The following CSTF2 variants were observed in gnomAD, a reference collection of about 807,000 sequenced individuals.
CSTF2 encodes CF-1 64 kDa subunit.
Under a neutral mutation model 45.4 loss-of-function variants are expected in CSTF2, and 8 were observed. The ratio of observed to expected loss-of-function variants is 0.18; its 90% CI spans 0.10 to 0.32. The LOEUF (loss-of-function observed/expected upper bound fraction) is 0.32. CSTF2 is among the 10% of genes least tolerant of loss of function. CSTF2 has a pLI of 1.00. For synonymous variants in CSTF2, 155 were observed against 158.9 expected, an observed-to-expected ratio of 0.98 and a Z score of 0.18; for missense variants, 253 against 477.1, an observed-to-expected ratio of 0.53 and a Z score of 4.38.
At position 100,833,432 on chromosome X, in the gene CSTF2, C is replaced by A. The variant is rs1196652914; in HGVS notation, c.1460C>A (p.Pro487Gln). Residue 487 changes from proline (P) to glutamine (Q), a missense_variant, in exon 11 of 14, where the codon CCA becomes CAA. Physicochemically the swap from Pro to Gln is moderately conservative, Grantham distance 76. Transcript: ENST00000372972. ...PIPSGMQGPS[P>Q]INMGAVVPQG... ...CCTAGTGGAATGCAGGGTCCCAGTC[C>A]AATTAACATGGGGGCGGTTGTCCCC... is the stretch of plus-strand genomic sequence containing the variant. The A allele has an allele frequency of 2.2e-5, 27 of 1,208,446 alleles. No individual in the cohort carries two copies. Among genetic ancestry groups the A allele is most frequent in the Non-Finnish European group, 2.9e-5 (26 of 893,771 alleles).
chrX:100,834,786 C>G (rs911862879), intron 11 of CSTF2, among the ~76,000 whole-genome samples: 2 of 112,199 alleles, frequency 1.8e-5, no homozygotes, highest in African/African-American at 6.5e-5. Context: ...GGCTTACATT[C>G]TAGTTGGGAA....
intron 6 of CSTF2, among the ~76,000 whole-genome samples, chrX:100,825,033 C>A (rs1044235959): frequency 8.9e-6 from 1 of 112,411 alleles, no homozygotes; most frequent in African/African-American, 3.2e-5. Flanking sequence ...GGACATGAAA[C>A]TAAGTGAATA....
At chrX:100,829,815 G>A (rs754606708) in intron 8 of CSTF2, among the ~76,000 whole-genome samples, 6 of 112,149 alleles carry the variant, frequency 5.4e-5, no homozygotes, top group African/African-American at 1.9e-4. Context: ...CTGTCATGGG[G>A]CCAGCCCTCA....
intron 11 of CSTF2, 93 bp downstream of exon 11, chrX:100,833,565 G>A (rs2084989734): frequency 1.1e-6 from 1 of 893,126 alleles, no homozygotes; most frequent in African/African-American, 2.0e-5. Context: ...TTCTGACTTG[G>A]GCTGTTTCTT....
chrX:100,829,990 T>C (rs2084965916), intron 8 of CSTF2, among the ~76,000 whole-genome samples: 1 of 112,299 alleles, frequency 8.9e-6, no homozygotes, highest in Non-Finnish European at 1.9e-5. Flanking sequence ...CTTTCTTTTA[T>C]AGTTTCCTTC....
chrX:100,827,229 C>A (rs764066283), intron 7 of CSTF2, among the ~76,000 whole-genome samples: 60 of 112,171 alleles, frequency 5.3e-4, no homozygotes, highest in Admixed American at 4.1e-3. Flanking sequence ...GCATATTAAA[C>A]TGACATAAAA....
Position 100,820,455 on chromosome X carries a change from T to G in CSTF2, c.39T>G (p.Arg13=), listed in dbSNP as rs1234524508. The G allele has an allele frequency of 8.3e-7, 1 of 1,211,571 alleles. No homozygotes were observed. The highest frequency in any genetic ancestry group is 2.2e-5 in the Admixed American group (1 of 46,081). ...CTGTGAGAGACCCAGCGGTGGATCGTTCTCTACGTTCTGTGTTCGGTGAGA... is the reference window on the plus strand; with the variant it reads ...CTGTGAGAGACCCAGCGGTGGATCGGTCTCTACGTTCTGTGTTCGGTGAGA... ...GLTVRDPAVD[R]SLRSVFVGNI... is the part of the protein sequence containing the mutation. Residue 13 remains arginine (R), a synonymous_variant, in exon 1 of 14, where the codon CGT becomes CGG. Coordinates refer to ENST00000372972, the MANE Select transcript of CSTF2 (RefSeq NM_001325.3).
Position 100,832,866 on chromosome X carries a change from A to G in CSTF2, c.1164A>G (p.Arg388=). The G allele has an allele frequency of 2.5e-6, 3 of 1,208,410 alleles. No individual in the cohort carries two copies. Among genetic ancestry groups the G allele is most frequent in the Non-Finnish European group, 3.4e-6 (3 of 893,578 alleles). ...CCAGACCTCTAATGGCAGAACCAAG[A>G]GGACCCATGCTAGATCAGAGGGGTC... ...PEPRPLMAEP[R]GPMLDQRGPP... Residue 388 remains arginine (R), a synonymous_variant, in exon 10 of 14, where the codon AGA becomes AGG. Transcript: ENST00000372972.
intron 11 of CSTF2, among the ~76,000 whole-genome samples, chrX:100,836,861 C>A (rs1353582070): frequency 8.9e-6 from 1 of 112,143 alleles, no homozygotes; most frequent in African/African-American, 3.2e-5. Context: ...ACATTATGAA[C>A]ATCTCTGCCT....
In CSTF2 at chrX:100,826,766, C is replaced by T. The variant is rs1418378015; in HGVS notation, c.826+9C>T. 1 of 1,204,586 alleles carries T rather than the reference C, an allele frequency of 8.3e-7. No individual in the cohort carries two copies. Among genetic ancestry groups the T allele is most frequent in the Non-Finnish European group, 1.1e-6 (1 of 892,035 alleles). On this transcript the variant is annotated intron_variant, in intron 7 of 13. Coordinates refer to ENST00000372972, the MANE Select transcript of CSTF2 (RefSeq NM_001325.3). The stretch of plus-strand genomic sequence containing the variant: ...TTCCTTAGCTCCTGGAGGTAAGTTT[C>T]ATTTAGTCTTCACCATTTCAGTACT...
intron 13 of CSTF2, among the ~76,000 whole-genome samples, chrX:100,839,679 C>T (rs888587763): frequency 9.0e-6 from 1 of 111,564 alleles, no homozygotes; most frequent in Non-Finnish European, 1.9e-5. Flanking sequence ...GGTACCTTAA[C>T]GTTTTATTCC....
intron 3 of CSTF2, 135 bp from the exon 4 acceptor site, chrX:100,823,157 C>A: frequency 1.4e-6 from 1 of 694,847 alleles, no homozygotes; most frequent in Non-Finnish European, 2.0e-6. Flanking sequence ...GAGGCTTTCA[C>A]ATCATTTATT....
At chrX:100,837,287 T>TA in intron 11 of CSTF2, 52 bp from the exon 12 acceptor site, 2 of 854,420 alleles carry the variant, frequency 2.3e-6, no homozygotes, top group Non-Finnish European at 3.4e-6. Context: ...GAATTCAGGT[T>TA]ACCTATACAT....
chrX:100,822,498 TTAGAATATG>T (rs2084923896), intron 3 of CSTF2, 78 bp downstream of exon 3: 3 of 1,032,807 alleles, frequency 2.9e-6, no homozygotes, highest in Non-Finnish European at 4.0e-6. Flanking sequence ...CTGATATGTT[TTAGAATATG>T]CTGAAATGGT....
At chrX:100,835,573 G>A (rs1397671748) in intron 11 of CSTF2, among the ~76,000 whole-genome samples, 1 of 92,459 alleles carries the variant, frequency 1.1e-5, no homozygotes, top group Non-Finnish European at 2.1e-5. Context: ...TTAACAACAT[G>A]TCCTTAATTC....
chrX:100,833,105 T>A, intron 10 of CSTF2, 75 bp from the exon 11 acceptor site: 1 of 1,084,144 alleles, frequency 9.2e-7, no homozygotes, highest in East Asian at 3.3e-5. Flanking sequence ...GATTTCTATC[T>A]TTCTTGGATT....
intron 8 of CSTF2, 45 bp downstream of exon 8, chrX:100,828,147 G>A (rs751916747): frequency 9.9e-7 from 1 of 1,013,571 alleles, no homozygotes; most frequent in South Asian, 2.3e-5. Context: ...GGTCATGGAA[G>A]TGTTCCACAT....
At chrX:100,835,347 G>T (rs2085001794) in intron 11 of CSTF2, among the ~76,000 whole-genome samples, 1 of 108,380 alleles carries the variant, frequency 9.2e-6, no homozygotes, top group Non-Finnish European at 1.9e-5. Context: ...AGGAGGATCA[G>T]TAGAGCCCAG....
At chrX:100,822,522 C>CAAT (rs2084924124) in intron 3 of CSTF2, 102 bp downstream of exon 3, 1 of 856,039 alleles carries the variant, frequency 1.2e-6, no homozygotes, top group Non-Finnish European at 1.7e-6. Flanking sequence ...AATGGTTAGC[C>CAAT]ACGCAGCTTG....
Sources: gnomAD v4.1 joint callset for allele counts (sites outside exome capture counted in the v4.1 genomes callset) on GRCh38, gnomAD v4.1.1 for gene constraint, MANE v1.5 for transcripts, NCBI Gene and HGNC (gene_info 2026-07-23, HGNC 2026-07-21) for gene names.